Variants in CDH4 observed in about 807,000 individuals in gnomAD.
CDH4 encodes cadherin-4.
A neutral mutation model predicts 86.0 loss-of-function variants in CDH4; 33 were observed. The observed-to-expected ratio is 0.38, with a 90% CI of 0.29 to 0.51. The LOEUF (loss-of-function observed/expected upper bound fraction) is 0.51, where lower values mean the gene tolerates loss of function less well. CDH4 is among the 20% of genes least tolerant of loss of function. The pLI is 0.86. For synonymous variants in CDH4, 555 were observed against 549.4 expected, an observed-to-expected ratio of 1.01 and a Z score of -0.14; for missense variants, 1,114 against 1,307.4, an observed-to-expected ratio of 0.85 and a Z score of 2.28.
rs1489636925 is a variant in CDH4, at chr20:61,811,141, C to T, written c.577-33527C>T. Among the ~76,000 whole-genome samples the T allele has an allele frequency of 6.6e-6, 1 of 152,150 alleles. No homozygotes were observed. Among genetic ancestry groups the T allele is most frequent in the African/African-American group, 2.4e-5 (1 of 41,426 alleles). ...TGCTCTGGAAGAACAACAGAAACCA[C>T]ATTTCCAAAAAACCAAACATCCCCA... On this transcript the variant is annotated intron_variant, in intron 4 of 15. Coordinates refer to ENST00000614565, the MANE Select transcript of CDH4 (RefSeq NM_001794.5). The surrounding 1 kb of genome is among the most constrained non-coding windows in gnomAD (Gnocchi z 4.4).
intron 10 of CDH4, 40 bp downstream of exon 10, chr20:61,923,744 C>T: frequency 6.2e-7 from 1 of 1,602,200 alleles, no homozygotes; most frequent in East Asian, 2.2e-5. Flanking sequence ...CCTGCAGCTT[C>T]CCAGGTTCCA....
chr20:61,466,086 C>T (rs182419198), intron 2 of CDH4, among the ~76,000 whole-genome samples: 1 of 152,290 alleles, frequency 6.6e-6, no homozygotes, highest in Non-Finnish European at 1.5e-5. Flanking sequence ...GAATGTGTTC[C>T]TGTGCACCCA....
chr20:61,923,031 C>T (rs2054999231), intron 9 of CDH4, among the ~76,000 whole-genome samples: 1 of 152,224 alleles, frequency 6.6e-6, no homozygotes, highest in East Asian at 1.9e-4. Context: ...TGGGGGCCAC[C>T]ATCTGACCCT....
chr20:61,284,903 T>C (rs548730094), intron 2 of CDH4, among the ~76,000 whole-genome samples: 2 of 152,334 alleles, frequency 1.3e-5, no homozygotes, highest in South Asian at 4.1e-4. Flanking sequence ...GATATGTACA[T>C]GAATGGGTGG....
intron 2 of CDH4, among the ~76,000 whole-genome samples, chr20:61,478,960 A>T (rs1044307219): frequency 2.1e-5 from 3 of 144,610 alleles, no homozygotes; most frequent in African/African-American, 2.5e-5. Context: ...CATTTTTGAA[A>T]TTTTTTTTTT....
chr20:61,336,890 T>C (rs2084620184), intron 2 of CDH4, among the ~76,000 whole-genome samples: 2 of 152,126 alleles, frequency 1.3e-5, no homozygotes, highest in Admixed American at 6.5e-5. Flanking sequence ...TCCCAGTCTC[T>C]CTCAGGGGAA....
chr20:61,832,971 G>A (rs925944699), intron 4 of CDH4, among the ~76,000 whole-genome samples: 2 of 152,188 alleles, frequency 1.3e-5, no homozygotes, highest in Non-Finnish European at 2.9e-5. Context: ...CTGATGGGAT[G>A]TAAGCACAGA....
intron 9 of CDH4, among the ~76,000 whole-genome samples, chr20:61,914,233 C>A (rs773716323): frequency 6.6e-6 from 1 of 152,164 alleles, no homozygotes; most frequent in Non-Finnish European, 1.5e-5. Flanking sequence ...GTGCTGCCTC[C>A]CTTCTGTGGC....
intron 7 of CDH4, among the ~76,000 whole-genome samples, chr20:61,880,464 C>T (rs1472530892): frequency 6.6e-6 from 1 of 152,228 alleles, no homozygotes. Flanking sequence ...TCTTCTTGAT[C>T]TCCCCTCCGC....
rs1488794738 is a variant in CDH4, at chr20:61,306,742, C to A, written c.169+51805C>A. Reference sequence around the variant, plus strand: ...ACCAAACACACCCTTGGGGCCAGCACCGACCAGTCAAACACTGGGGCACGG... The same window carrying A: ...ACCAAACACACCCTTGGGGCCAGCAACGACCAGTCAAACACTGGGGCACGG... On this transcript the variant is annotated intron_variant, in intron 2 of 15. Coordinates refer to ENST00000614565, the MANE Select transcript of CDH4 (RefSeq NM_001794.5). Among the ~76,000 whole-genome samples, 7 of 152,224 alleles carry A rather than the reference C, an allele frequency of 4.6e-5. 1 individual carries two copies. Among genetic ancestry groups the A allele is most frequent in the Admixed American group, 4.6e-4 (7 of 15,278 alleles).
chr20:61,875,048 G>A (rs1348114739), intron 7 of CDH4, among the ~76,000 whole-genome samples: 1 of 152,226 alleles, frequency 6.6e-6, no homozygotes, highest in Non-Finnish European at 1.5e-5. Flanking sequence ...GGGGCTTGCT[G>A]GTGTCGCTTT....
At chr20:61,331,647 C>CCCCGGCCACCTGCCCTAGAGCCACCTCCT (rs200730495) in intron 2 of CDH4, among the ~76,000 whole-genome samples, 1 of 37,932 alleles carries the variant, frequency 2.6e-5, no homozygotes, top group African/African-American at 1.1e-4. Context: ...ACCCACCTCC[C>CCCCGGCCACCTGCCCTAGAGCCACCTCCT]GCCCCAGCCA....
intron 2 of CDH4, among the ~76,000 whole-genome samples, chr20:61,717,230 G>A (rs377432623): frequency 9.7e-4 from 148 of 152,340 alleles, no homozygotes; most frequent in African/African-American, 3.5e-3. Context: ...CAAAGGCAGG[G>A]GAGCGGGAGC....
chr20:61,684,829 T>A lies in CDH4; in HGVS notation c.170-58734T>A, dbSNP rs2087556037. ...GATGTGGGTGAGGTTTCTAAACTGC[T>A]CCTGAAGCTTCAAACACACAATTCA... On this transcript the variant is annotated intron_variant, in intron 2 of 15. Transcript: ENST00000614565. The surrounding 1 kb of genome is among the most constrained non-coding windows in gnomAD (Gnocchi z 4.5). 6.6e-6 allele frequency among the ~76,000 whole-genome samples: 1 copy of A among 152,124 alleles called. No individual in the cohort carries two copies.
chr20:61,812,370 A>G (rs1346500981), intron 4 of CDH4, among the ~76,000 whole-genome samples: 3 of 152,100 alleles, frequency 2.0e-5, no homozygotes, highest in South Asian at 4.1e-4. Flanking sequence ...TGGGGCTGCC[A>G]TGGGCCAAGG....
chr20:61,874,141 G>A lies in CDH4; in HGVS notation c.1050+241G>A, dbSNP rs566629195. 3.3e-5 allele frequency among the ~76,000 whole-genome samples: 5 copies of A among 152,290 alleles called. No individual in the cohort carries two copies. The South Asian group carries it at 1.0e-3, about 32-fold the overall frequency. The stretch of plus-strand genomic sequence containing the variant: ...AGGCCCAGCTGGTGCGTGTGGCTAT[G>A]GGCGGAGGCCTCAGAAAAGCAGGGA... On this transcript the variant is annotated intron_variant, in intron 7 of 15. Transcript: ENST00000614565.
chr20:61,483,179 T>G (rs927672497), intron 2 of CDH4, among the ~76,000 whole-genome samples: 1 of 152,084 alleles, frequency 6.6e-6, no homozygotes, highest in African/African-American at 2.4e-5. Context: ...TAAGACAAGA[T>G]GAGTGATGAA....
intron 6 of CDH4, among the ~76,000 whole-genome samples, chr20:61,867,137 G>A (rs963841262): frequency 6.6e-5 from 10 of 152,228 alleles, no homozygotes; most frequent in East Asian, 1.9e-4. Context: ...CGCTCTGGGC[G>A]CATGCATGTT....
chr20:61,882,080 C>T (rs887753763), intron 7 of CDH4, among the ~76,000 whole-genome samples: 7 of 152,216 alleles, frequency 4.6e-5, no homozygotes, highest in African/African-American at 1.7e-4. Flanking sequence ...GGACCCTGCC[C>T]GCGCCTCCAC....
Sources: gnomAD v4.1 joint callset for allele counts (sites outside exome capture counted in the v4.1 genomes callset) on GRCh38, gnomAD v4.1.1 for gene constraint, Gnocchi (gnomAD v3.1) non-coding constraint, MANE v1.5 for transcripts, NCBI Gene and HGNC (gene_info 2026-07-23, HGNC 2026-07-21) for gene names.